Variants in RFTN2 observed in about 807,000 individuals in gnomAD.
The protein encoded by RFTN2 is raftlin-2.
In RFTN2, 34 loss-of-function variants were observed where a neutral mutation model predicts 52.7. The ratio of observed to expected loss-of-function variants is 0.64; its 90% CI spans 0.49 to 0.86. The LOEUF (loss-of-function observed/expected upper bound fraction) is 0.86. Ranked by LOEUF, RFTN2 falls within the 40% of genes least tolerant of loss-of-function variation. RFTN2 has a pLI of 0.00. For synonymous variants in RFTN2, 203 were observed against 217.7 expected, an observed-to-expected ratio of 0.93 and a Z score of 0.59; for missense variants, 536 against 600.1, an observed-to-expected ratio of 0.89 and a Z score of 1.12.
intron 3 of RFTN2, among the ~76,000 whole-genome samples, chr2:197,643,614 C>G (rs2088705013): frequency 1.3e-5 from 2 of 151,998 alleles, no homozygotes; most frequent in Non-Finnish European, 2.9e-5. Flanking sequence ...AATTTGTATT[C>G]CTTTCCTGTA....
chr2:197,644,263 A>C lies in RFTN2; in HGVS notation c.333T>G (p.Asn111Lys). ...VLLRLKLSPK[N>K]SAAPSGQRRP... is the part of the protein sequence containing the mutation. ...GTCTTTGTCCACTGGGTGCTGCCGA[A>C]TTCTTTGGGCTGTAACAGAGGGAAT... is the stretch of plus-strand genomic sequence containing the variant. The change falls in exon 3 of 9, where the codon AAT becomes AAG. Residue 111 changes from asparagine (N) to lysine (K), a missense_variant. Transcript: ENST00000295049. 1 of 1,591,558 alleles carries C rather than the reference A, an allele frequency of 6.3e-7. No homozygotes were observed. The highest frequency in any genetic ancestry group is 8.6e-7 in the Non-Finnish European group (1 of 1,159,508).
intron 3 of RFTN2, among the ~76,000 whole-genome samples, chr2:197,640,398 G>T (rs1340739803): frequency 6.0e-3 from 662 of 110,592 alleles, no homozygotes; most frequent in African/African-American, 9.3e-3. Context: ...CTCCGTGGGC[G>T]TAGGACCCTC....
chr2:197,627,427 A>G (rs1022031631), intron 5 of RFTN2, among the ~76,000 whole-genome samples: 1 of 152,244 alleles, frequency 6.6e-6, no homozygotes, highest in African/African-American at 2.4e-5. Context: ...CCATACGGCT[A>G]GCGCCTTGTA....
intron 8 of RFTN2, among the ~76,000 whole-genome samples, chr2:197,584,785 C>T (rs760100483): frequency 3.3e-5 from 5 of 152,152 alleles, no homozygotes; most frequent in Admixed American, 6.6e-5. Context: ...TCTTGCTCAG[C>T]CCCAACCTCA....
intron 8 of RFTN2, among the ~76,000 whole-genome samples, chr2:197,590,006 C>T (rs574755567): frequency 2.4e-3 from 372 of 152,124 alleles, no homozygotes; most frequent in Non-Finnish European, 4.1e-3. Context: ...TCCCAGGCTC[C>T]AGCGATCCCC....
At chr2:197,617,989 C>T (rs2088174583) in intron 5 of RFTN2, 68 bp from the exon 6 acceptor site, 1 of 1,260,572 alleles carries the variant, frequency 7.9e-7, no homozygotes, top group African/African-American at 1.6e-5. Context: ...CATCTAAATC[C>T]TTAAATAACT....
chr2:197,616,309 A>ATTTTATTTTATTTATTTTATTTTATTTT (rs1553601950), intron 6 of RFTN2, among the ~76,000 whole-genome samples: 1 of 125,038 alleles, frequency 8.0e-6, no homozygotes, highest in African/African-American at 3.1e-5. Context: ...ATTTTATTTT[A>ATTTTATTTTATTTATTTTATTTTATTTT]AAGAGAGGGT....
Position 197,572,275 on chromosome 2 carries a change from T to G in RFTN2, c.1239A>C (p.Lys413Asn). 1 of 1,613,448 alleles carries G rather than the reference T, an allele frequency of 6.2e-7. No individual in the cohort carries two copies. The highest frequency in any genetic ancestry group is 1.1e-5 in the South Asian group (1 of 91,084). Residue 413 changes from lysine to asparagine, a missense_variant, in exon 9 of 9, where the codon AAA (lysine) becomes AAC (asparagine). By Grantham distance (94) the Lys-to-Asn change is moderately conservative (BLOSUM62 0). Coordinates refer to ENST00000295049, the MANE Select transcript of RFTN2 (RefSeq NM_144629.3). ...CTTCACCTTTTATGTGGCGGCTGGC[T>G]TTCTTCTGAAACACAAGACATTGGT... is the stretch of plus-strand genomic sequence containing the variant. ...WNSAAQTPDK[K>N]ASRHIKGEDK...
intron 8 of RFTN2, among the ~76,000 whole-genome samples, chr2:197,573,326 CTTG>C (rs1279129596): frequency 6.6e-6 from 1 of 152,172 alleles, no homozygotes; most frequent in African/African-American, 2.4e-5. Context: ...AGATGAGGAA[CTTG>C]TTGGGAACTG....
chr2:197,604,214 T>C (rs895496561), intron 7 of RFTN2, among the ~76,000 whole-genome samples: 7 of 152,194 alleles, frequency 4.6e-5, no homozygotes, highest in Admixed American at 2.6e-4. Flanking sequence ...GAAAAGAATC[T>C]GGTATTTATC....
intron 8 of RFTN2, among the ~76,000 whole-genome samples, chr2:197,589,370 G>C (rs1453077897): frequency 6.6e-6 from 1 of 151,604 alleles, no homozygotes; most frequent in Non-Finnish European, 1.5e-5. Context: ...GAGGAACTCT[G>C]AGTCCAGTTA....
chr2:197,621,837 A>T (rs2088271595), intron 5 of RFTN2, among the ~76,000 whole-genome samples: 1 of 152,216 alleles, frequency 6.6e-6, no homozygotes, highest in African/African-American at 2.4e-5. Flanking sequence ...GGGAATTATT[A>T]TTAAGCTTAG....
intron 7 of RFTN2, among the ~76,000 whole-genome samples, chr2:197,600,706 A>C (rs1244403008): frequency 2.0e-5 from 3 of 152,292 alleles, no homozygotes; most frequent in Admixed American, 6.5e-5. Flanking sequence ...ATGGTTTCAG[A>C]GGACAGAGCC....
At chr2:197,661,789 C>T (rs1013833394) in intron 1 of RFTN2, among the ~76,000 whole-genome samples, 5 of 152,154 alleles carry the variant, frequency 3.3e-5, no homozygotes, top group Admixed American at 2.6e-4. Context: ...TCTACATCCT[C>T]ATCTCCACAG....
chr2:197,627,686 G>A (rs951700776), intron 5 of RFTN2, among the ~76,000 whole-genome samples: 8 of 152,112 alleles, frequency 5.3e-5, no homozygotes, highest in Admixed American at 2.0e-4. Context: ...ATGCTCTGGC[G>A]GTGGTGGGGC....
intron 8 of RFTN2, among the ~76,000 whole-genome samples, chr2:197,582,427 C>T (rs1319158240): frequency 2.0e-5 from 3 of 152,154 alleles, no homozygotes; most frequent in African/African-American, 4.8e-5. Flanking sequence ...CCCATATTTC[C>T]TTCTTTCCTA....
At chr2:197,579,191 C>T (rs962798639) in intron 8 of RFTN2, among the ~76,000 whole-genome samples, 4 of 152,234 alleles carry the variant, frequency 2.6e-5, no homozygotes, top group Non-Finnish European at 5.9e-5. Flanking sequence ...GGTGTCTGAT[C>T]ATGACAGGGA....
chr2:197,660,981 A>AT (rs570097303), intron 1 of RFTN2, among the ~76,000 whole-genome samples: 9 of 152,038 alleles, frequency 5.9e-5, no homozygotes, highest in Non-Finnish European at 8.8e-5. Flanking sequence ...AATATTACAT[A>AT]TTTTTTTATC....
intron 3 of RFTN2, among the ~76,000 whole-genome samples, chr2:197,638,008 T>C (rs554868349): frequency 1.3e-3 from 200 of 150,450 alleles, no homozygotes; most frequent in Non-Finnish European, 2.4e-3. Flanking sequence ...CCAGTAGTCA[T>C]TCAGGAGCAG....
Sources: gnomAD v4.1 joint callset for allele counts (sites outside exome capture counted in the v4.1 genomes callset) on GRCh38, gnomAD v4.1.1 for gene constraint, MANE v1.5 for transcripts, NCBI Gene and HGNC (gene_info 2026-07-23, HGNC 2026-07-21) for gene names.